GALNTL6: variants seen among roughly 807,000 people sequenced by gnomAD.
The protein encoded by GALNTL6 is polypeptide N-acetylgalactosaminyltransferase like 6, also known as polypeptide N-acetylgalactosaminyltransferase-like 6.
GALNTL6 carries 46 observed loss-of-function variants against 73.7 expected under a neutral mutation model. The ratio of observed to expected loss-of-function variants is 0.62; its 90% CI spans 0.49 to 0.80. The LOEUF is 0.80. Ranked by LOEUF, GALNTL6 falls within the 30% of genes least tolerant of loss-of-function variation. The probability of loss-of-function intolerance (pLI) is 0.00; values close to 1 mark genes in which losing one functional copy is unlikely to be tolerated. For missense variants in GALNTL6, 604 were observed against 755.0 expected (o/e 0.80, Z 2.34); for synonymous variants, 259 against 263.7 (o/e 0.98, Z 0.17).
chr4:172,455,739 G>A (rs1276903934), intron 5 of GALNTL6, among the ~76,000 whole-genome samples: 1 of 152,188 alleles, frequency 6.6e-6, no homozygotes, highest in Non-Finnish European at 1.5e-5. Context: ...CTGGGACAGA[G>A]CGCCTAGGGG....
chr4:172,735,581 T>C (rs909753921), intron 5 of GALNTL6, among the ~76,000 whole-genome samples: 3 of 152,128 alleles, frequency 2.0e-5, no homozygotes, highest in African/African-American at 7.2e-5. Flanking sequence ...TTTGGGGGAC[T>C]GTTAGGAAGG....
chr4:172,930,138 C>T (rs964881306), intron 8 of GALNTL6, among the ~76,000 whole-genome samples: 2 of 152,040 alleles, frequency 1.3e-5, no homozygotes, highest in Non-Finnish European at 2.9e-5. Context: ...ATTAGCTCAG[C>T]GTGGTAGCGG....
chr4:171,985,123 T>TA (rs374016895), intron 2 of GALNTL6, among the ~76,000 whole-genome samples: 23 of 152,096 alleles, frequency 1.5e-4, no homozygotes, highest in Middle Eastern at 3.4e-3. Flanking sequence ...ACTGGCTTGA[T>TA]AAAAAAAATC....
At chr4:172,802,582 G>A (rs1560962603) in intron 5 of GALNTL6, among the ~76,000 whole-genome samples, 2 of 152,096 alleles carry the variant, frequency 1.3e-5, no homozygotes. Flanking sequence ...TATCACTTGA[G>A]GTCAGGAGTT....
chr4:172,400,983 C>T (rs1412036854), intron 5 of GALNTL6, among the ~76,000 whole-genome samples: 2 of 152,048 alleles, frequency 1.3e-5, no homozygotes, highest in East Asian at 1.9e-4. Context: ...ATGAGACAAT[C>T]GGAGACTAAA....
chr4:171,882,464 G>A (rs911518551), intron 2 of GALNTL6, among the ~76,000 whole-genome samples: 2 of 152,204 alleles, frequency 1.3e-5, no homozygotes, highest in Non-Finnish European at 2.9e-5. Context: ...TCCCATGATA[G>A]GCAGTCTGCA....
intron 5 of GALNTL6, among the ~76,000 whole-genome samples, chr4:172,351,211 C>A (rs553108133): frequency 6.6e-6 from 1 of 150,862 alleles, no homozygotes; most frequent in Non-Finnish European, 1.5e-5. Flanking sequence ...ATCTATCTAT[C>A]TATCTATCTA....
chr4:172,809,372 G>C lies in GALNTL6; in HGVS notation c.565G>C (p.Asp189His). The C allele has an allele frequency of 1.2e-6, 2 of 1,613,554 alleles. No homozygotes were observed. Among genetic ancestry groups the C allele is most frequent in the Non-Finnish European group, 1.7e-6 (2 of 1,179,688 alleles). Reference sequence around the variant, plus strand: ...TACTTCCTACCTAGAACACCTGAAGGATAAATTGGAAGAATACATGGCCCG... The same window carrying C: ...TACTTCCTACCTAGAACACCTGAAGCATAAATTGGAAGAATACATGGCCCG... Reference protein sequence around the residue: ...DDFSEREHLKDKLEEYMARFS... With the variant: ...DDFSEREHLKHKLEEYMARFS... The change falls in exon 6 of 13, where the codon GAT becomes CAT. Residue 189 changes from aspartate to histidine, a missense_variant. This residue lies in a region of GALNTL6 where 179 missense variants were observed against 230.8 expected (regional missense o/e 0.78). Transcript: ENST00000506823. This position sits in a 1 kb window ranked among gnomAD's most constrained non-coding sequence, Gnocchi z 4.4.
chr4:172,480,223 G>A (rs1434294796), intron 5 of GALNTL6, among the ~76,000 whole-genome samples: 2 of 151,764 alleles, frequency 1.3e-5, no homozygotes, highest in Non-Finnish European at 2.9e-5. Flanking sequence ...AGGAGGATCC[G>A]GATTACTTCA....
intron 4 of GALNTL6, among the ~76,000 whole-genome samples, chr4:172,326,015 A>G (rs900585976): frequency 5.3e-5 from 8 of 151,920 alleles, no homozygotes; most frequent in East Asian, 1.9e-4. Context: ...ATCACTGATC[A>G]TAGAATTAAA....
chr4:172,923,666 C>G (rs1310211566), intron 8 of GALNTL6, among the ~76,000 whole-genome samples: 1 of 152,170 alleles, frequency 6.6e-6, no homozygotes, highest in Admixed American at 6.5e-5. Flanking sequence ...TGTTTTCACA[C>G]TGCTGATAAA....
At chr4:172,685,017 A>C (rs1225455505) in intron 5 of GALNTL6, among the ~76,000 whole-genome samples, 1 of 152,214 alleles carries the variant, frequency 6.6e-6, no homozygotes, top group Non-Finnish European at 1.5e-5. Flanking sequence ...TACCTTGTAC[A>C]TATTGTAAAT....
intron 2 of GALNTL6, among the ~76,000 whole-genome samples, chr4:172,010,818 G>A (rs562168183): frequency 2.4e-4 from 36 of 152,106 alleles, no homozygotes; most frequent in African/African-American, 8.2e-4. Context: ...TCAAACAAGT[G>A]CTTGTGAAAA....
At chr4:172,329,170 C>G (rs333381) in intron 4 of GALNTL6, among the ~76,000 whole-genome samples, 147,483 of 152,260 alleles carry the variant, frequency 0.97, 71,604 homozygotes, top group East Asian at 1. Flanking sequence ...TGGACCCTGT[C>G]GATTCTACAG....
At chr4:172,384,044 A>T (rs565830751) in intron 5 of GALNTL6, among the ~76,000 whole-genome samples, 3 of 152,188 alleles carry the variant, frequency 2.0e-5, no homozygotes, top group South Asian at 4.1e-4. Context: ...TTGTGTATTT[A>T]TTAGAGATGT....
chr4:172,649,922 A>G (rs902343432), intron 5 of GALNTL6, among the ~76,000 whole-genome samples: 3 of 152,324 alleles, frequency 2.0e-5, no homozygotes, highest in African/African-American at 7.2e-5. Flanking sequence ...GCACTCAAAC[A>G]TATTTTGTGT....
chr4:172,341,226 C>A (rs909731320), intron 4 of GALNTL6, among the ~76,000 whole-genome samples: 3 of 151,630 alleles, frequency 2.0e-5, no homozygotes, highest in Non-Finnish European at 4.4e-5. Flanking sequence ...CCGAGGCGGG[C>A]GGATCACGAG....
intron 5 of GALNTL6, among the ~76,000 whole-genome samples, chr4:172,755,370 A>C (rs149220725): frequency 2.0e-5 from 3 of 152,154 alleles, no homozygotes; most frequent in Non-Finnish European, 4.4e-5. Context: ...ACTCAATCAA[A>C]GTTTTTTGAG....
chr4:171,814,803 C>A, intron 2 of GALNTL6, 85 bp downstream of exon 2: 1 of 1,417,038 alleles, frequency 7.1e-7, no homozygotes, highest in Non-Finnish European at 9.8e-7. Context: ...GGTGTGGGAT[C>A]GCCTTGGGTT....
Sources: allele counts gnomAD v4.1 joint callset (sites outside exome capture counted in the v4.1 genomes callset), GRCh38; gene constraint gnomAD v4.1.1; regional missense constraint gnomAD v4.1.1; non-coding constraint Gnocchi (gnomAD v3.1); transcripts MANE v1.5; gene names NCBI Gene and HGNC (gene_info 2026-07-23, HGNC 2026-07-21).